The following DIAPH2 variants were observed in gnomAD, a reference collection of about 807,000 sequenced individuals.
The protein encoded by DIAPH2 is diaphanous related formin 2, also known as protein diaphanous homolog 2.
A neutral mutation model predicts 92.7 loss-of-function variants in DIAPH2; 35 were observed. The ratio of observed to expected loss-of-function variants is 0.38; its 90% CI spans 0.29 to 0.50. The LOEUF is 0.50. Ranked by LOEUF, DIAPH2 falls within the 20% of genes least tolerant of loss-of-function variation. The probability of loss-of-function intolerance (pLI) is 0.94; values close to 1 mark genes in which losing one functional copy is unlikely to be tolerated. For missense variants in DIAPH2, 701 were observed against 819.5 expected (o/e 0.86, Z 1.77); for synonymous variants, 301 against 280.4 (o/e 1.07, Z -0.73).
intron 4 of DIAPH2, among the ~76,000 whole-genome samples, chrX:96,838,509 AG>A (rs2064914118): frequency 8.9e-6 from 1 of 112,512 alleles, no homozygotes; most frequent in Non-Finnish European, 1.9e-5. Flanking sequence ...ATACTGTATT[AG>A]TACAAAATTA....
intron 25 of DIAPH2, among the ~76,000 whole-genome samples, chrX:97,427,624 G>A (rs1235794695): frequency 9.0e-6 from 1 of 110,597 alleles, no homozygotes; most frequent in African/African-American, 3.3e-5. Flanking sequence ...TACTTCAGAT[G>A]TGTCTGTGAG....
chrX:97,386,765 G>T (rs1442075484), intron 25 of DIAPH2, among the ~76,000 whole-genome samples: 2 of 108,735 alleles, frequency 1.8e-5, no homozygotes, highest in South Asian at 8.0e-4. Flanking sequence ...GGGGACAGGG[G>T]ACAGATTGTG....
At position 96,755,868 on chromosome X, in the gene DIAPH2, C is replaced by CT. The variant is rs759402738; in HGVS notation, c.343-2274dup. On this transcript the variant is annotated intron_variant, in intron 3 of 26. Coordinates refer to ENST00000324765, the MANE Select transcript of DIAPH2 (RefSeq NM_006729.5). ...TTTTTTGCTTTTTCTTTCTTTCTTCCTTTTTTTTTTTTGGAGACAGGGTCT... is the reference window on the plus strand; with the variant it reads ...TTTTTTGCTTTTTCTTTCTTTCTTCCTTTTTTTTTTTTTGGAGACAGGGTCT... Among the ~76,000 whole-genome samples, 273 of 100,605 alleles carry CT rather than the reference C, an allele frequency of 2.7e-3. 1 individual carries two copies. Among genetic ancestry groups the CT allele is most frequent in the East Asian group, 0.012 (39 of 3,260 alleles). The allele number at this position is 100,605 out of a possible 115,157, so 87.4% of individuals were successfully genotyped here. A position where few individuals can be genotyped will look rare whatever the true frequency, so the allele number is the denominator to read the frequency against.
At chrX:97,339,519 G>GA (rs1277267256) in intron 23 of DIAPH2, among the ~76,000 whole-genome samples, 52 of 107,331 alleles carry the variant, frequency 4.8e-4, no homozygotes, top group Non-Finnish European at 8.7e-4. Context: ...TATCTCAAAA[G>GA]AAAAAAAAAG....
chrX:97,129,146 C>CTTTTCT (rs113199689), intron 21 of DIAPH2, among the ~76,000 whole-genome samples: 14 of 36,544 alleles, frequency 3.8e-4, no homozygotes, highest in Admixed American at 9.3e-4. Flanking sequence ...CTTTTCTTTT[C>CTTTTCT]TTTCTTTTCT....
At chrX:96,898,222 G>A (rs1459981514) in intron 5 of DIAPH2, among the ~76,000 whole-genome samples, 4 of 97,747 alleles carry the variant, frequency 4.1e-5, no homozygotes, top group Admixed American at 1.1e-4. Context: ...ATGATTTATA[G>A]TCCTTTGGGT....
In DIAPH2 at chrX:96,881,852, A is replaced by G; in HGVS notation, c.587+134A>G. ...AATCTGATGTTAATAAAACAGCAGCATCTGATTGTGAAGTCGTAAACTTTT... is the reference window on the plus strand; with the variant it reads ...AATCTGATGTTAATAAAACAGCAGCGTCTGATTGTGAAGTCGTAAACTTTT... On this transcript the variant is annotated intron_variant, in intron 5 of 26. Transcript: ENST00000324765. 7.8e-6 allele frequency: 5 copies of G among 641,515 alleles called. No homozygotes were observed. The South Asian group carries it at 1.3e-4, about 17-fold the overall frequency. The allele number at this position is 641,515 out of a possible 1,213,427, so 52.9% of individuals were successfully genotyped here.
In DIAPH2 at chrX:96,881,764, G is replaced by A. The variant is rs763351754; in HGVS notation, c.587+46G>A. 3.5e-6 allele frequency: 4 copies of A among 1,126,917 alleles called. No individual in the cohort carries two copies. In the African/African-American group the frequency reaches 5.5e-5, roughly 16 times the overall value. The allele number at this position is 1,126,917 out of a possible 1,213,427, so 92.9% of individuals were successfully genotyped here. ...CGGTATGATTCATACAATTTGTAGT[G>A]CATATAATTGTTTGGGAATATAATA... On this transcript the variant is annotated intron_variant, in intron 5 of 26. Coordinates refer to ENST00000324765, the MANE Select transcript of DIAPH2 (RefSeq NM_006729.5).
intron 16 of DIAPH2, among the ~76,000 whole-genome samples, chrX:96,962,432 TATATATATACATATATACAC>T (rs2065865615): frequency 1.6e-5 from 1 of 63,010 alleles, no homozygotes; most frequent in African/African-American, 6.5e-5. Flanking sequence ...TATATATACA[TATATATATACATATATACAC>T]ACACATATAT....
At chrX:96,816,784 T>G (rs1194635329) in intron 4 of DIAPH2, among the ~76,000 whole-genome samples, 1 of 112,338 alleles carries the variant, frequency 8.9e-6, no homozygotes, top group Admixed American at 9.4e-5. Flanking sequence ...CTATGTTTGT[T>G]GAAGCACTAT....
intron 5 of DIAPH2, chrX:96,884,468 A>C: frequency 8.3e-7 from 1 of 1,211,583 alleles, no homozygotes; most frequent in Non-Finnish European, 1.1e-6. Flanking sequence ...AATGTGAACC[A>C]GCTTCTCAGC....
At chrX:97,215,127 A>T (rs1295535936) in intron 22 of DIAPH2, among the ~76,000 whole-genome samples, 1 of 111,581 alleles carries the variant, frequency 9.0e-6, no homozygotes, top group Non-Finnish European at 1.9e-5. Flanking sequence ...GTTTTTAATA[A>T]CAACATGCAT....
chrX:96,939,546 G>GTATATA (rs2065684103), intron 12 of DIAPH2, among the ~76,000 whole-genome samples, 164 bp downstream of exon 12: 3 of 67,987 alleles, frequency 4.4e-5, no homozygotes, highest in East Asian at 4.1e-4. Context: ...ATATATGTAT[G>GTATATA]TATATATGTA....
intron 22 of DIAPH2, among the ~76,000 whole-genome samples, chrX:97,184,507 A>G (rs2067564958): frequency 9.0e-6 from 1 of 111,557 alleles, no homozygotes; most frequent in Non-Finnish European, 1.9e-5. Flanking sequence ...TGGTTTATTG[A>G]GGCAGATTTT....
At chrX:96,741,045 A>G (rs919764767) in intron 3 of DIAPH2, among the ~76,000 whole-genome samples, 2 of 109,424 alleles carry the variant, frequency 1.8e-5, no homozygotes, top group Non-Finnish European at 3.8e-5. Context: ...ACCTTTTAGT[A>G]TCTGCATTCA....
intron 26 of DIAPH2, among the ~76,000 whole-genome samples, chrX:97,593,967 A>C (rs1013264246): frequency 9.0e-6 from 1 of 111,604 alleles, no homozygotes; most frequent in African/African-American, 3.2e-5. Context: ...GATAAGATAC[A>C]CAAATTCATA....
chrX:97,217,044 GA>G (rs2067889281), intron 22 of DIAPH2, among the ~76,000 whole-genome samples: 1 of 111,581 alleles, frequency 9.0e-6, no homozygotes, highest in Non-Finnish European at 1.9e-5. Flanking sequence ...GGTTTAGCAT[GA>G]AAAAAATTAT....
intron 24 of DIAPH2, among the ~76,000 whole-genome samples, chrX:97,355,698 G>C (rs1009490658): frequency 1.3e-4 from 14 of 111,086 alleles, no homozygotes; most frequent in Admixed American, 1.9e-4. Flanking sequence ...TGAATTCAGA[G>C]GGGGTGTCCT....
chrX:97,094,749 A>G (rs1415331612), intron 19 of DIAPH2, among the ~76,000 whole-genome samples: 1 of 112,387 alleles, frequency 8.9e-6, no homozygotes, highest in Non-Finnish European at 1.9e-5. Flanking sequence ...AAGAACATAC[A>G]CAGCCCTTTT....
Sources: gnomAD v4.1 joint callset for allele counts (sites outside exome capture counted in the v4.1 genomes callset) on GRCh38, gnomAD v4.1.1 for gene constraint, MANE v1.5 for transcripts, NCBI Gene and HGNC (gene_info 2026-07-23, HGNC 2026-07-21) for gene names.